CCSER2: variants seen among roughly 807,000 people sequenced by gnomAD.
The protein encoded by CCSER2 is coiled-coil serine rich protein 2.
In CCSER2, 46 loss-of-function variants were observed where a neutral mutation model predicts 92.3. The ratio of observed to expected loss-of-function variants is 0.50; its 90% CI spans 0.39 to 0.64. CCSER2 has a LOEUF of 0.64. Ranked by LOEUF, CCSER2 falls within the 30% of genes least tolerant of loss-of-function variation. The pLI is 0.00. For synonymous variants in CCSER2, 433 were observed against 431.4 expected, an observed-to-expected ratio of 1.00 and a Z score of -0.04; for missense variants, 1,244 against 1,238.9, an observed-to-expected ratio of 1.00 and a Z score of -0.06.
At chr10:84,416,260 T>G (rs2133384080) in intron 3 of CCSER2, among the ~76,000 whole-genome samples, 1 of 152,254 alleles carries the variant, frequency 6.6e-6, no homozygotes, top group East Asian at 1.9e-4. Context: ...TTTCTGTGGG[T>G]CAGGCTGTTT....
At position 84,391,173 on chromosome 10, in the gene CCSER2, A is replaced by G. The variant is rs1410981900; in HGVS notation, c.1614+17358A>G. 9 of 825,278 alleles carry G rather than the reference A, an allele frequency of 1.1e-5. No individual in the cohort carries two copies. The Admixed American group carries it at 1.5e-4, about 14-fold the overall frequency. The allele number at this position is 825,278 out of a possible 1,614,324, so 51.1% of individuals were successfully genotyped here. The stretch of plus-strand genomic sequence containing the variant: ...CTGAGTGCCTATCTTCAGTTGCCAC[A>G]GCACTGCAGTCTGGCTTTCTTCCAT... On this transcript the variant is annotated intron_variant, in intron 3 of 9. Coordinates refer to ENST00000372088, the MANE Select transcript of CCSER2 (RefSeq NM_001284240.2).
At position 84,466,997 on chromosome 10, in the gene CCSER2, T is replaced by C. The variant is rs1026935501; in HGVS notation, c.2148+2981T>C. 2.6e-5 allele frequency among the ~76,000 whole-genome samples: 4 copies of C among 152,318 alleles called. No homozygotes were observed. The South Asian group carries it at 8.3e-4, about 32-fold the overall frequency. ...CTCTCTCATCTGTCTTGAGTGCGCC[T>C]CCTCTACTTTCTTGTCATTATTTGT... is the stretch of plus-strand genomic sequence containing the variant. On this transcript the variant is annotated intron_variant, in intron 7 of 9. Transcript: ENST00000372088.
chr10:84,506,492 T>C (rs1849051574), intron 9 of CCSER2, among the ~76,000 whole-genome samples: 1 of 152,182 alleles, frequency 6.6e-6, no homozygotes, highest in Admixed American at 6.5e-5. Flanking sequence ...TTAGTGGTCT[T>C]CAATGGCAAT....
chr10:84,417,756 T>C lies in CCSER2; in HGVS notation c.1615-15T>C, dbSNP rs1421899149. 7.5e-7 allele frequency: 1 copy of C among 1,331,976 alleles called. No individual in the cohort carries two copies. The allele number at this position is 1,331,976 out of a possible 1,614,324, so 82.5% of individuals were successfully genotyped here. ...AGCTAGATTATGGTATATTTTTTAC[T>C]GCTTTTGTTCACAGGATATTTTGAA... On this transcript the variant is annotated splice_polypyrimidine_tract_variant and intron_variant, in intron 3 of 9. Transcript: ENST00000372088.
intron 9 of CCSER2, among the ~76,000 whole-genome samples, chr10:84,483,987 AT>A (rs1564711660): frequency 1.5e-3 from 63 of 41,758 alleles, no homozygotes; most frequent in African/African-American, 6.4e-3. Context: ...ATATATATAT[AT>A]ATATATATAA....
Position 84,457,063 on chromosome 10 carries a change from C to G in CCSER2, c.2065-6870C>G, listed in dbSNP as rs2133616672. Reference sequence around the variant, plus strand: ...TATGTACAATTGTGAGGTAATAACCCTGCACCTTCACATTCTCATTATTTT... The same window carrying G: ...TATGTACAATTGTGAGGTAATAACCGTGCACCTTCACATTCTCATTATTTT... On this transcript the variant is annotated intron_variant, in intron 6 of 9. Coordinates refer to ENST00000372088, the MANE Select transcript of CCSER2 (RefSeq NM_001284240.2). Among the ~76,000 whole-genome samples the G allele has an allele frequency of 2.0e-5, 3 of 149,750 alleles. No individual in the cohort carries two copies. In the South Asian group the frequency reaches 6.3e-4, roughly 31 times the overall value.
At chr10:84,373,507 T>C (rs947811114) in intron 2 of CCSER2, 112 bp from the exon 3 acceptor site, 10 of 794,670 alleles carry the variant, frequency 1.3e-5, no homozygotes, top group Non-Finnish European at 1.4e-5. Flanking sequence ...TTATGAGTGC[T>C]TTTTTTGAGC....
At chr10:84,449,832 A>G (rs1240931161) in intron 6 of CCSER2, among the ~76,000 whole-genome samples, 3 of 152,224 alleles carry the variant, frequency 2.0e-5, no homozygotes, top group Non-Finnish European at 4.4e-5. Flanking sequence ...GGGCAACAAG[A>G]GCAAAACTCC....
intron 9 of CCSER2, among the ~76,000 whole-genome samples, chr10:84,488,381 T>C (rs1031837587): frequency 6.6e-6 from 1 of 152,210 alleles, no homozygotes; most frequent in Admixed American, 6.5e-5. Flanking sequence ...GGACTTTTTT[T>C]GTTTGGTAGG....
At chr10:84,340,436 G>T (rs559947684) in intron 1 of CCSER2, among the ~76,000 whole-genome samples, 78 of 150,874 alleles carry the variant, frequency 5.2e-4, no homozygotes, top group African/African-American at 1.8e-3. Context: ...CATTTGGTTG[G>T]GAATTTACGC....
At chr10:84,426,557 TA>T (rs1325716131) in intron 5 of CCSER2, among the ~76,000 whole-genome samples, 2 of 152,232 alleles carry the variant, frequency 1.3e-5, no homozygotes, top group African/African-American at 4.8e-5. Flanking sequence ...GAATCAGGGA[TA>T]AAAGTGCCTA....
chr10:84,386,638 G>A (rs56102191), intron 3 of CCSER2, among the ~76,000 whole-genome samples: 6 of 152,184 alleles, frequency 3.9e-5, no homozygotes, highest in African/African-American at 9.7e-5. Context: ...AGAATCACTC[G>A]AACCCAGGCA....
chr10:84,429,405 G>A (rs1843637164), intron 5 of CCSER2, among the ~76,000 whole-genome samples: 1 of 152,082 alleles, frequency 6.6e-6, no homozygotes, highest in African/African-American at 2.4e-5. Flanking sequence ...TGTAGGGAAG[G>A]TGTGTTAGCA....
chr10:84,391,546 C>A, intron 3 of CCSER2: 1 of 1,494,576 alleles, frequency 6.7e-7, no homozygotes, highest in Non-Finnish European at 9.3e-7. Context: ...TCATTTCAGT[C>A]TGCAACAATG....
intron 6 of CCSER2, among the ~76,000 whole-genome samples, chr10:84,462,523 C>G (rs1332385841): frequency 6.6e-6 from 1 of 152,162 alleles, no homozygotes; most frequent in East Asian, 1.9e-4. Flanking sequence ...GAACTTTTTA[C>G]TGAGATGAGT....
At chr10:84,459,238 C>T (rs1845954439) in intron 6 of CCSER2, among the ~76,000 whole-genome samples, 1 of 152,100 alleles carries the variant, frequency 6.6e-6, no homozygotes, top group Non-Finnish European at 1.5e-5. Flanking sequence ...GAATTCCTGA[C>T]CTCATGTGGT....
intron 3 of CCSER2, among the ~76,000 whole-genome samples, chr10:84,407,321 T>G (rs1464397977): frequency 6.6e-6 from 1 of 152,242 alleles, no homozygotes; most frequent in Non-Finnish European, 1.5e-5. Context: ...TTATTGAGGT[T>G]GACTTTCCTT....
chr10:84,470,017 T>C (rs1846687942), intron 7 of CCSER2, among the ~76,000 whole-genome samples: 2 of 108,920 alleles, frequency 1.8e-5, no homozygotes, highest in Admixed American at 1.1e-4. Flanking sequence ...TATGTGATTT[T>C]TTTTTTTTTT....
At chr10:84,372,817 A>G (rs1035500372) in intron 2 of CCSER2, among the ~76,000 whole-genome samples, 4 of 152,048 alleles carry the variant, frequency 2.6e-5, no homozygotes, top group East Asian at 3.9e-4. Flanking sequence ...TTCTCTTAGG[A>G]TAGCATTTCA....
Sources: allele counts gnomAD v4.1 joint callset (sites outside exome capture counted in the v4.1 genomes callset), GRCh38; gene constraint gnomAD v4.1.1; transcripts MANE v1.5; gene names NCBI Gene and HGNC (gene_info 2026-07-23, HGNC 2026-07-21).